Variants in KCNMA1 observed in about 807,000 individuals in gnomAD.
The protein encoded by KCNMA1 is Calcium-activated potassium channel subunit alpha-1.
Under a neutral mutation model 140.0 loss-of-function variants are expected in KCNMA1, and 29 were observed. That is an observed-to-expected ratio of 0.21 (90% CI 0.15 to 0.28). The LOEUF (loss-of-function observed/expected upper bound fraction) is 0.28. Among genes scored for constraint, KCNMA1 ranks in the 10% least tolerant of loss-of-function variants. The pLI is 1.00. For synonymous variants in KCNMA1, 612 were observed against 611.9 expected (o/e 1.00, Z 0.00); for missense variants, 880 against 1,602.2 (o/e 0.55, Z 7.70).
rs115516232 is a variant in KCNMA1, at chr10:77,548,345, G to A, written c.378+88920C>T. 6.1e-3 allele frequency among the ~76,000 whole-genome samples: 935 copies of A among 152,264 alleles called. 8 individuals are homozygous for A. Among genetic ancestry groups the A allele is most frequent in the African/African-American group, 0.022 (911 of 41,552 alleles). On this transcript the variant is annotated intron_variant, in intron 1 of 27. Transcript: ENST00000286628. ...GCCCAACACTTGGAAGCCTAACGTG[G>A]ACAACGCCTGGTGCAAGAGGGCATG...
At chr10:77,145,820 G>C (rs2098278107) in intron 5 of KCNMA1, among the ~76,000 whole-genome samples, 1 of 152,202 alleles carries the variant, frequency 6.6e-6, no homozygotes, top group East Asian at 1.9e-4. Context: ...TCTGGGCCCA[G>C]TGTTATAGGA....
At chr10:77,008,048 G>T in intron 18 of KCNMA1, 2 of 834,736 alleles carry the variant, frequency 2.4e-6, no homozygotes, top group Non-Finnish European at 3.8e-6. Context: ...GTTGGGGCAT[G>T]ATGTCACTGC....
chr10:77,308,725 A>G (rs1164794606), intron 2 of KCNMA1, among the ~76,000 whole-genome samples: 2 of 152,194 alleles, frequency 1.3e-5, no homozygotes, highest in Non-Finnish European at 2.9e-5. Context: ...TGTGTCCACC[A>G]TCACACATAC....
intron 1 of KCNMA1, among the ~76,000 whole-genome samples, chr10:77,532,298 G>A (rs1343303491): frequency 6.6e-6 from 1 of 152,172 alleles, no homozygotes; most frequent in Non-Finnish European, 1.5e-5. Context: ...ACTCCAACAC[G>A]AGATGACTTT....
intron 2 of KCNMA1, among the ~76,000 whole-genome samples, chr10:77,349,929 TG>T (rs1266369356): frequency 6.6e-6 from 1 of 152,224 alleles, no homozygotes; most frequent in Non-Finnish European, 1.5e-5. Flanking sequence ...AGTCTCGCTC[TG>T]TCACCCAGCC....
intron 18 of KCNMA1, among the ~76,000 whole-genome samples, chr10:77,005,313 G>A (rs2088088325): frequency 6.6e-6 from 1 of 152,184 alleles, no homozygotes; most frequent in Non-Finnish European, 1.5e-5. Flanking sequence ...AGGGTGAGAG[G>A]TCCTAGGAGA....
chr10:77,399,938 C>T (rs1380531461), intron 2 of KCNMA1, among the ~76,000 whole-genome samples: 1 of 152,158 alleles, frequency 6.6e-6, no homozygotes, highest in East Asian at 1.9e-4. Context: ...CTCATGATGT[C>T]CCAGCTTCGA....
intron 24 of KCNMA1, chr10:76,911,016 G>A (rs946035906): frequency 3.9e-5 from 6 of 151,934 alleles, no homozygotes; most frequent in Non-Finnish European, 8.8e-5. Context: ...CAAGTAATAG[G>A]GGAAAAGTCG....
chr10:77,258,643 T>G (rs1250509400), intron 2 of KCNMA1, among the ~76,000 whole-genome samples: 1 of 152,164 alleles, frequency 6.6e-6, no homozygotes, highest in Non-Finnish European at 1.5e-5. Context: ...TTCTTGTCAT[T>G]CCTAAGTCAT....
chr10:77,051,763 T>C (rs2095374921), intron 14 of KCNMA1, among the ~76,000 whole-genome samples: 1 of 152,122 alleles, frequency 6.6e-6, no homozygotes, highest in South Asian at 2.1e-4. Flanking sequence ...CCAAGGAGCA[T>C]AACCTCTCCA....
intron 20 of KCNMA1, among the ~76,000 whole-genome samples, chr10:76,957,370 G>T (rs534652976): frequency 2.0e-5 from 3 of 152,206 alleles, no homozygotes; most frequent in Non-Finnish European, 2.9e-5. Flanking sequence ...CTCCAGATGT[G>T]CAATGACAGT....
At chr10:77,179,090 T>C (rs897176240) in intron 5 of KCNMA1, among the ~76,000 whole-genome samples, 7 of 152,230 alleles carry the variant, frequency 4.6e-5, no homozygotes, top group Non-Finnish European at 4.4e-5. Context: ...TCCTGGCTTC[T>C]GTTCATTAAG....
At chr10:77,016,372 G>T (rs1220094400) in intron 17 of KCNMA1, among the ~76,000 whole-genome samples, 1 of 152,050 alleles carries the variant, frequency 6.6e-6, no homozygotes, top group Admixed American at 6.6e-5. Context: ...CACGAGAGTT[G>T]GGACTTCTCC....
At chr10:77,635,252 C>T (rs1191065427) in intron 1 of KCNMA1, 1 of 152,230 alleles carries the variant, frequency 6.6e-6, no homozygotes, top group African/African-American at 2.4e-5. Context: ...TCATTACAGA[C>T]ACTGCAATTG....
chr10:77,012,599 C>T (rs2091075669), intron 17 of KCNMA1: 2 of 1,471,336 alleles, frequency 1.4e-6, no homozygotes, highest in Middle Eastern at 2.2e-4. Context: ...CAGTGGGTTC[C>T]TCTGTCAAAC....
At chr10:77,564,145 A>G (rs1434025970) in intron 1 of KCNMA1, among the ~76,000 whole-genome samples, 1 of 152,250 alleles carries the variant, frequency 6.6e-6, no homozygotes, top group East Asian at 1.9e-4. Flanking sequence ...AGGAACAAAA[A>G]GAGAAGAACA....
chr10:77,198,044 A>G (rs1471878408), intron 3 of KCNMA1, among the ~76,000 whole-genome samples: 3 of 152,146 alleles, frequency 2.0e-5, no homozygotes, highest in East Asian at 3.9e-4. Flanking sequence ...TTTCATATGC[A>G]TGTATTTTTA....
At chr10:77,457,948 G>A (rs2097787284) in intron 1 of KCNMA1, among the ~76,000 whole-genome samples, 1 of 151,462 alleles carries the variant, frequency 6.6e-6, no homozygotes, top group Admixed American at 6.6e-5. Context: ...CTAAATGAGG[G>A]AAACAAATGT....
chr10:77,246,399 C>A (rs937074504), intron 3 of KCNMA1, among the ~76,000 whole-genome samples: 4 of 152,210 alleles, frequency 2.6e-5, no homozygotes, highest in Non-Finnish European at 5.9e-5. Context: ...AGCTCACAGA[C>A]AGTACATAAT....
Sources: gnomAD v4.1 joint callset for allele counts (sites outside exome capture counted in the v4.1 genomes callset) on GRCh38, gnomAD v4.1.1 for gene constraint, MANE v1.5 for transcripts, NCBI Gene and HGNC (gene_info 2026-07-23, HGNC 2026-07-21) for gene names.